The following LY6S variants were observed in gnomAD, a reference collection of about 807,000 sequenced individuals.
The protein encoded by LY6S is lymphocyte antigen 6 family member S.
the LY6S span, among the ~76,000 whole-genome samples, chr8:143,041,819 G>A: frequency 4.8e-3 from 720 of 150,862 alleles, 2 homozygotes; most frequent in African/African-American, 0.012. Context: ...GACAATAGCC[G>A]TCCACCCAGA....
At chr8:143,041,469 G>A in the LY6S span, among the ~76,000 whole-genome samples, 207 of 152,196 alleles carry the variant, frequency 1.4e-3, 1 homozygote, top group African/African-American at 4.8e-3. Context: ...CTTTTTTCAA[G>A]GTACCCAGAT....
At chr8:143,070,385 ATATATT>A in the LY6S span, among the ~76,000 whole-genome samples, 1 of 132,440 alleles carries the variant, frequency 7.6e-6, no homozygotes, top group African/African-American at 3.0e-5. Context: ...ATAAATATAT[ATATATT>A]TATATATATT....
At chr8:143,055,771 C>A in the LY6S span, among the ~76,000 whole-genome samples, 3 of 152,266 alleles carry the variant, frequency 2.0e-5, no homozygotes, top group East Asian at 3.9e-4. Context: ...CCACTTCTCC[C>A]AGACCACACA....
the LY6S span, among the ~76,000 whole-genome samples, chr8:143,048,397 GGTAGCACTCGGCCGCCACCT>G: frequency 6.6e-6 from 1 of 151,970 alleles, no homozygotes; most frequent in Non-Finnish European, 1.5e-5. Flanking sequence ...CTGTCCCTCT[GGTAGCACTCGGCCGCCACCT>G]CGTGGCCATT....
chr8:143,062,312 T>C, the LY6S span, among the ~76,000 whole-genome samples: 2 of 152,042 alleles, frequency 1.3e-5, no homozygotes, highest in Non-Finnish European at 2.9e-5. Flanking sequence ...TCAAAACCAA[T>C]AGAATGTTCA....
At chr8:143,061,799 C>T in the LY6S span, among the ~76,000 whole-genome samples, 4 of 152,214 alleles carry the variant, frequency 2.6e-5, no homozygotes, top group African/African-American at 9.7e-5. Flanking sequence ...CCACCTTGGC[C>T]TCTCAAAGTG....
chr8:143,047,573 C>T, the LY6S span: 1 of 152,284 alleles, frequency 6.6e-6, no homozygotes, highest in Non-Finnish European at 1.5e-5. Context: ...TGGTCCAGCT[C>T]ATCCAAGCAA....
At chr8:143,057,562 G>A in the LY6S span, 5 of 1,228,952 alleles carry the variant, frequency 4.1e-6, no homozygotes, top group African/African-American at 4.4e-5. Flanking sequence ...TTAGTCTCTT[G>A]ATAACCGTCT....
the LY6S span, among the ~76,000 whole-genome samples, chr8:143,070,472 TA>T: frequency 5.0e-5 from 2 of 39,936 alleles, no homozygotes; most frequent in East Asian, 9.8e-4. Flanking sequence ...ATAATATATA[TA>T]TAAATATATA....
the LY6S span, among the ~76,000 whole-genome samples, chr8:143,072,687 G>T: frequency 7.5e-6 from 1 of 133,624 alleles, no homozygotes. Context: ...GTCGTCCCCG[G>T]GGTCCCTGTT....
chr8:143,051,552 T>C, the LY6S span, among the ~76,000 whole-genome samples: 6 of 148,534 alleles, frequency 4.0e-5, no homozygotes, highest in African/African-American at 1.5e-4. Context: ...AAACTAATAA[T>C]AATTAAAACA....
At chr8:143,070,485 ATATATT>A in the LY6S span, among the ~76,000 whole-genome samples, 8 of 84,830 alleles carry the variant, frequency 9.4e-5, no homozygotes, top group African/African-American at 3.7e-4. Context: ...AAATATATAT[ATATATT>A]TTTTTTTTTT....
At chr8:143,042,962 GC>G in the LY6S span, 1 of 1,340,360 alleles carries the variant, frequency 7.5e-7, no homozygotes, top group Non-Finnish European at 1.0e-6. Flanking sequence ...TGACAGGGAA[GC>G]CCCGACCTCT....
chr8:143,055,926 A>G, the LY6S span, among the ~76,000 whole-genome samples: 3 of 152,082 alleles, frequency 2.0e-5, no homozygotes, highest in African/African-American at 4.8e-5. Flanking sequence ...TTCTCTGATC[A>G]GGAACAAAGA....
At chr8:143,050,370 G>A in the LY6S span, among the ~76,000 whole-genome samples, 431 of 151,850 alleles carry the variant, frequency 2.8e-3, 1 homozygote, top group African/African-American at 4.6e-3. Context: ...TAGTAGACGC[G>A]GGGTTTCACC....
the LY6S span, chr8:143,049,375 C>G: frequency 1.9e-5 from 9 of 477,102 alleles, no homozygotes; most frequent in Non-Finnish European, 1.7e-5. Context: ...GAAAAGTGGT[C>G]AGAGAGTGGA....
the LY6S span, chr8:143,043,195 C>G: frequency 7.3e-7 from 1 of 1,367,660 alleles, no homozygotes; most frequent in Non-Finnish European, 9.8e-7. Context: ...GGGCTGCTGG[C>G]TGCCAGGACC....
At chr8:143,072,215 T>C in the LY6S span, among the ~76,000 whole-genome samples, 18,367 of 131,804 alleles carry the variant, frequency 0.14, 2,216 homozygotes, top group African/African-American at 0.29. Flanking sequence ...TTCTGGGGGT[T>C]CCTGTTTGAG....
chr8:143,074,554 A>G, the LY6S span, among the ~76,000 whole-genome samples: 1 of 152,184 alleles, frequency 6.6e-6, no homozygotes, highest in African/African-American at 2.4e-5. Context: ...TTTAATAACA[A>G]ATAATGAGCA....
Sources: allele counts gnomAD v4.1 joint callset (sites outside exome capture counted in the v4.1 genomes callset), GRCh38; gene constraint gnomAD v4.1.1; transcripts MANE v1.5; gene names NCBI Gene and HGNC (gene_info 2026-07-23, HGNC 2026-07-21).